RYR2: variants seen among roughly 807,000 people sequenced by gnomAD.
RYR2 encodes ryanodine receptor 2, also known as cardiac muscle ryanodine receptor-calcium release channel.
RYR2 carries 227 observed loss-of-function variants against 601.1 expected under a neutral mutation model. The observed-to-expected ratio is 0.38, with a 90% CI of 0.34 to 0.42. The LOEUF is 0.42. RYR2 is among the 10% of genes least tolerant of loss of function. The pLI, the probability that RYR2 is intolerant of heterozygous loss-of-function variation, is 1.00. For missense variants in RYR2, 4,646 were observed against 6,156.5 expected (o/e 0.75, Z 8.21); for synonymous variants, 2,223 against 2,175.1 (o/e 1.02, Z -0.61).
intron 13 of RYR2, among the ~76,000 whole-genome samples, chr1:237,442,928 C>T (rs1450617623): frequency 1.3e-5 from 2 of 152,284 alleles, no homozygotes; most frequent in South Asian, 2.1e-4. Context: ...TTTAAAAACG[C>T]ACACTTAAAT....
At chr1:237,511,848 A>AC (rs1242334625) in intron 24 of RYR2, 57 bp downstream of exon 24, 16 of 1,022,946 alleles carry the variant, frequency 1.6e-5, no homozygotes, top group East Asian at 1.5e-4. Context: ...AAAAAAAAAA[A>AC]AAAAAAAAAA....
At chr1:237,687,316 T>C (rs1481431732) in intron 62 of RYR2, 139 bp from the exon 63 acceptor site, 3 of 635,352 alleles carry the variant, frequency 4.7e-6, no homozygotes, top group Admixed American at 6.1e-5. Flanking sequence ...GACATCATGT[T>C]GCTTTTTTCC....
rs762743022 is a variant in RYR2 at position 237,783,879 on chromosome 1, A to G, written c.12167A>G (p.Lys4056Arg). The G allele has an allele frequency of 6.2e-7, 1 of 1,613,694 alleles. No individual in the cohort carries two copies. Among genetic ancestry groups the G allele is most frequent in the African/African-American group, 1.3e-5 (1 of 74,940 alleles). Residue 4056 changes from lysine (K) to arginine (R), a missense_variant, in exon 90 of 105, where the codon AAG becomes AGG. Coordinates refer to ENST00000366574, the MANE Select transcript of RYR2 (RefSeq NM_001035.3). ...TTCCACAAAGCGATGGAGAGCCATA[A>G]GCACTACACGCAGTCAGAAACGGAA... is the stretch of plus-strand genomic sequence containing the variant. ...RDFHKAMESH[K>R]HYTQSETEFL...
chr1:237,713,636 A>G (rs574456064), intron 71 of RYR2, among the ~76,000 whole-genome samples: 7 of 152,114 alleles, frequency 4.6e-5, no homozygotes, highest in Non-Finnish European at 7.4e-5. Context: ...TGACCTCGTG[A>G]TCTGACGGCC....
chr1:237,209,497 A>ATGTGTG (rs55861841), intron 1 of RYR2, among the ~76,000 whole-genome samples: 5 of 143,304 alleles, frequency 3.5e-5, no homozygotes, highest in South Asian at 2.2e-4. Context: ...ATCTGCATAT[A>ATGTGTG]TGTGTGTGTG....
chr1:237,105,113 G>A (rs186028603), intron 1 of RYR2, among the ~76,000 whole-genome samples: 81 of 152,248 alleles, frequency 5.3e-4, no homozygotes, highest in African/African-American at 1.8e-3. Context: ...CGGCAAACAC[G>A]GCTGGTTGAA....
intron 1 of RYR2, among the ~76,000 whole-genome samples, chr1:237,157,760 G>C (rs1411774216): frequency 2.0e-5 from 3 of 152,150 alleles, no homozygotes; most frequent in African/African-American, 7.2e-5. Context: ...GGTGGGAGGA[G>C]CTGGTTAATG....
chr1:237,619,463 A>G (rs1678835212), intron 38 of RYR2, among the ~76,000 whole-genome samples: 9 of 152,222 alleles, frequency 5.9e-5, no homozygotes, highest in Admixed American at 5.9e-4. Flanking sequence ...GGTGATATCA[A>G]CTACCCCATC....
chr1:237,496,279 T>G (rs1176453146), intron 19 of RYR2, among the ~76,000 whole-genome samples: 1 of 152,104 alleles, frequency 6.6e-6, no homozygotes, highest in Admixed American at 6.6e-5. Flanking sequence ...GTGGTGGCAC[T>G]CGCCTTTAGT....
At chr1:237,772,200 T>C (rs528858775) in intron 86 of RYR2, 100 bp downstream of exon 86, 1 of 633,526 alleles carries the variant, frequency 1.6e-6, no homozygotes, top group Admixed American at 3.0e-5. Context: ...AGAAAGGAGT[T>C]TTTGAGATAG....
chr1:237,657,768 T>C (rs1683393735), intron 53 of RYR2, among the ~76,000 whole-genome samples, 176 bp from the exon 54 acceptor site: 1 of 151,970 alleles, frequency 6.6e-6, no homozygotes. Context: ...CATTATCTGC[T>C]TGACTTTTCT....
intron 10 of RYR2, among the ~76,000 whole-genome samples, chr1:237,398,920 A>G (rs1434688735): frequency 6.6e-6 from 1 of 152,172 alleles, no homozygotes; most frequent in Non-Finnish European, 1.5e-5. Context: ...CTGGCTGTAC[A>G]TGGTGGTTCA....
At chr1:237,073,096 A>G (rs1227914674) in intron 1 of RYR2, among the ~76,000 whole-genome samples, 1 of 152,128 alleles carries the variant, frequency 6.6e-6, no homozygotes. Flanking sequence ...GACTATGAAG[A>G]GGATTGTTAT....
At chr1:237,203,193 C>A (rs936586447) in intron 1 of RYR2, among the ~76,000 whole-genome samples, 1 of 152,118 alleles carries the variant, frequency 6.6e-6, no homozygotes, top group Non-Finnish European at 1.5e-5. Flanking sequence ...AAAGATCATT[C>A]TTGAGTCTGA....
chr1:237,100,998 T>C (rs1572633251), intron 1 of RYR2, among the ~76,000 whole-genome samples: 1 of 151,820 alleles, frequency 6.6e-6, no homozygotes, highest in East Asian at 1.9e-4. Context: ...CCTCACTTCC[T>C]AAGCTGACAG....
intron 1 of RYR2, among the ~76,000 whole-genome samples, chr1:237,207,424 G>A (rs1411391427): frequency 6.6e-6 from 1 of 152,138 alleles, no homozygotes; most frequent in African/African-American, 2.4e-5. Context: ...AAATTAGCTG[G>A]GCATGGTGGT....
At chr1:237,361,978 G>A (rs970641552) in intron 4 of RYR2, among the ~76,000 whole-genome samples, 5 of 152,106 alleles carry the variant, frequency 3.3e-5, no homozygotes, top group Non-Finnish European at 7.3e-5. Context: ...GCTTACAGAC[G>A]AAAGATGATT....
chr1:237,641,467 GTCTGTCTTTCTT>G (rs1388764947), intron 47 of RYR2, among the ~76,000 whole-genome samples: 5,414 of 117,040 alleles, frequency 0.046, 130 homozygotes, highest in Non-Finnish European at 0.054. Context: ...ATTAGTGTCT[GTCTGTCTTTCTT>G]TCTTTCTTTC....
rs191465582 is a variant in RYR2 at position 237,418,104 on chromosome 1, G to A, written c.848+981G>A. ...GTCACTCAGGCTGGAGTGCAGTGGC[G>A]CGATCTCGGTTCACTGCAAGCTCCA... On this transcript the variant is annotated intron_variant, in intron 11 of 104. Coordinates refer to ENST00000366574, the MANE Select transcript of RYR2 (RefSeq NM_001035.3). 1.2e-3 allele frequency among the ~76,000 whole-genome samples: 183 copies of A among 152,096 alleles called. 1 individual carries two copies. Among genetic ancestry groups the A allele is most frequent in the African/African-American group, 3.8e-3 (158 of 41,488 alleles).
Sources: allele counts gnomAD v4.1 joint callset (sites outside exome capture counted in the v4.1 genomes callset), GRCh38; gene constraint gnomAD v4.1.1; transcripts MANE v1.5; gene names NCBI Gene and HGNC (gene_info 2026-07-23, HGNC 2026-07-21).